The following MTCL1 variants were observed in gnomAD, a reference collection of about 807,000 sequenced individuals.
MTCL1 encodes the protein microtubule cross-linking factor 1.
A neutral mutation model predicts 141.4 loss-of-function variants in MTCL1; 79 were observed. The observed-to-expected ratio is 0.56, with a 90% confidence interval of 0.47 to 0.67. The LOEUF (loss-of-function observed/expected upper bound fraction) is 0.67, where lower values mean the gene tolerates loss of function less well. MTCL1 is among the 30% of genes least tolerant of loss of function. The pLI, the probability that MTCL1 is intolerant of heterozygous loss-of-function variation, is 0.00. For missense variants in MTCL1, 2,177 were observed against 2,113.9 expected (o/e 1.03, Z -0.59); for synonymous variants, 914 against 875.8 (o/e 1.04, Z -0.77).
At chr18:8,743,342 T>C (rs558297) in intron 4 of MTCL1, among the ~76,000 whole-genome samples, 39,912 of 152,214 alleles carry the variant, frequency 0.26, 5,552 homozygotes, top group East Asian at 0.44. Flanking sequence ...ACTTGCATGA[T>C]TCTGTCTTTC....
chr18:8,729,654 T>G (rs1420196777), intron 4 of MTCL1, among the ~76,000 whole-genome samples: 1 of 142,992 alleles, frequency 7.0e-6, no homozygotes, highest in African/African-American at 2.7e-5. Context: ...TCCTCTCACT[T>G]TGGCTTCCCA....
At chr18:8,794,257 G>C (rs899398785) in intron 8 of MTCL1, among the ~76,000 whole-genome samples, 1 of 152,214 alleles carries the variant, frequency 6.6e-6, no homozygotes, top group South Asian at 2.1e-4. Context: ...TGGCCCACGT[G>C]TTTCTAGTAT....
rs1363128781 is a variant in MTCL1 at position 8,789,524 on chromosome 18, C to T, written c.1887+3433C>T. 1.2e-5 allele frequency: 12 copies of T among 985,222 alleles called. 1 individual carries two copies. The South Asian group carries it at 1.4e-4, about 12-fold the overall frequency. 61.0% of individuals were successfully genotyped at this position (985,222 alleles called of 1,614,324 possible). A position where few individuals can be genotyped will look rare whatever the true frequency, so the allele number is the denominator to read the frequency against. Reference sequence around the variant, plus strand: ...TTTCTCTGGAGGTAGGGAAGTTAGCCTTTGTCAATCAGTGTGGGATGCAGC... The same window carrying T: ...TTTCTCTGGAGGTAGGGAAGTTAGCTTTTGTCAATCAGTGTGGGATGCAGC... On this transcript the variant is annotated intron_variant, in intron 7 of 16. Transcript: ENST00000359865.
chr18:8,815,698 T>G (rs1598785052), intron 12 of MTCL1, among the ~76,000 whole-genome samples: 2 of 151,206 alleles, frequency 1.3e-5, no homozygotes, highest in East Asian at 3.9e-4. Flanking sequence ...CAGCCTCATT[T>G]TGAGACTATA....
chr18:8,767,152 T>G (rs1456301631), intron 4 of MTCL1, among the ~76,000 whole-genome samples: 2 of 152,200 alleles, frequency 1.3e-5, no homozygotes, highest in African/African-American at 4.8e-5. Context: ...GAGCAGAAAG[T>G]TACCCCCTCC....
intron 4 of MTCL1, among the ~76,000 whole-genome samples, chr18:8,757,233 G>C (rs1184334044): frequency 6.6e-6 from 1 of 152,172 alleles, no homozygotes; most frequent in Non-Finnish European, 1.5e-5. Flanking sequence ...CAGGAGTCTA[G>C]AACTTCACAG....
intron 15 of MTCL1, among the ~76,000 whole-genome samples, chr18:8,827,809 G>A (rs371113311): frequency 6.6e-6 from 1 of 152,182 alleles, no homozygotes; most frequent in African/African-American, 2.4e-5. Context: ...AGTGAATCCT[G>A]CAAGCAAAAA....
Position 8,828,915 on chromosome 18 carries a change from C to G in MTCL1, c.4730C>G (p.Thr1577Ser). Reference sequence around the variant, plus strand: ...TCTGTCTGTTCTGTCCAGAACCAAACTGTCTTGCTAACTGCCCCCTGGGGA... The same window carrying G: ...TCTGTCTGTTCTGTCCAGAACCAAAGTGTCTTGCTAACTGCCCCCTGGGGA... Residue 1577 changes from threonine (T) to serine (S), a missense_variant, in exon 16 of 17, where the codon ACT (threonine) becomes AGT (serine). Physicochemically the swap from Thr to Ser is moderately conservative, Grantham distance 58 (BLOSUM62 1). Transcript: ENST00000359865. The surrounding 1 kb of genome is among the most constrained non-coding windows in gnomAD (Gnocchi z 5.2). 6.2e-7 allele frequency: 1 copy of G among 1,614,220 alleles called. No homozygotes were observed. The highest frequency in any genetic ancestry group is 8.5e-7 in the Non-Finnish European group (1 of 1,180,018).
chr18:8,784,521 G>T, exon 6 of MTCL1: 1 of 1,602,562 alleles, frequency 6.2e-7, no homozygotes, highest in Non-Finnish European at 8.5e-7. Context: ...ACGGTGGAGC[G>T]CCTCATCACG....
At chr18:8,794,032 G>A (rs1320457498) in intron 8 of MTCL1, among the ~76,000 whole-genome samples, 1 of 152,226 alleles carries the variant, frequency 6.6e-6, no homozygotes, top group African/African-American at 2.4e-5. Flanking sequence ...CGAATGCCAA[G>A]ATGTAAATAC....
At position 8,723,421 on chromosome 18, in the gene MTCL1, T is replaced by C. The variant is rs180894318; in HGVS notation, c.357+2925T>C. 2.2e-3 allele frequency among the ~76,000 whole-genome samples: 335 copies of C among 152,346 alleles called. 4 individuals carry two copies. Among genetic ancestry groups the C allele is most frequent in the African/African-American group, 7.6e-3 (318 of 41,582 alleles). Reference sequence around the variant, plus strand: ...TTGTTCACCTCTGGAGTTTTGTAAATGGATGTGTGACCTCCTGAAAAAGGC... The same window carrying C: ...TTGTTCACCTCTGGAGTTTTGTAAACGGATGTGTGACCTCCTGAAAAAGGC... On this transcript the variant is annotated intron_variant, in intron 4 of 16. Transcript: ENST00000359865.
intron 7 of MTCL1, 158 bp downstream of exon 6, chr18:8,786,249 G>A: frequency 1.2e-6 from 1 of 863,204 alleles, no homozygotes; most frequent in South Asian, 1.4e-5. Context: ...CCATTTTGTG[G>A]CACTGGGACA....
intron 4 of MTCL1, among the ~76,000 whole-genome samples, chr18:8,770,290 G>A (rs181710164): frequency 3.9e-4 from 60 of 152,330 alleles, no homozygotes; most frequent in African/African-American, 1.4e-3. Flanking sequence ...ACTCTTGACA[G>A]GATTGAATTA....
intron 11 of MTCL1, among the ~76,000 whole-genome samples, chr18:8,808,005 C>CAAAAA (rs530719223): frequency 8.7e-6 from 1 of 114,590 alleles, no homozygotes; most frequent in Admixed American, 8.7e-5. Context: ...CTTGATGTGT[C>CAAAAA]AAAAAAAAAA....
chr18:8,762,334 C>T (rs753643453), intron 4 of MTCL1, among the ~76,000 whole-genome samples: 3 of 152,236 alleles, frequency 2.0e-5, no homozygotes, highest in Non-Finnish European at 2.9e-5. Context: ...TGTGAATGTG[C>T]ACAATACAGA....
rs1021551683 is a variant in MTCL1 at position 8,752,193 on chromosome 18, A to C, written c.358-25640A>C. ...GCATTGACTTGCTGAGTATGAGATA[A>C]AACTAAATATAATCCAGTGTTTTAA... On this transcript the variant is annotated intron_variant, in intron 4 of 16. Coordinates refer to ENST00000359865, the Ensembl canonical transcript of MTCL1. Among the ~76,000 whole-genome samples the C allele has an allele frequency of 7.2e-5, 11 of 152,336 alleles. 1 individual carries two copies. The highest frequency in any genetic ancestry group is 6.5e-4 in the Admixed American group (10 of 15,306).
At chr18:8,750,209 C>A (rs2148949415) in intron 4 of MTCL1, among the ~76,000 whole-genome samples, 1 of 152,014 alleles carries the variant, frequency 6.6e-6, no homozygotes, top group African/African-American at 2.4e-5. Context: ...ACCACACTGG[C>A]TAATTTTTGT....
Position 8,784,070 on chromosome 18 carries a change from CT to C in MTCL1, c.959del (p.Leu320GlnfsTer19). The C allele has an allele frequency of 1.2e-6, 2 of 1,613,374 alleles. No homozygotes were observed. The highest frequency in any genetic ancestry group is 1.7e-6 in the Non-Finnish European group (2 of 1,179,958). On this transcript the variant is annotated frameshift_variant, in exon 6 of 17. Transcript: ENST00000359865. LOFTEE classifies it high-confidence loss of function. ...TGAGCCTCCCCGGGAGCCGGGCTGGCTAGGAGAGGGTGCAAGTCCTGGTGCC... is the reference window on the plus strand; with the variant it reads ...TGAGCCTCCCCGGGAGCCGGGCTGGCAGGAGAGGGTGCAAGTCCTGGTGCC...
At chr18:8,793,525 C>G (rs1282153549) in intron 8 of MTCL1, among the ~76,000 whole-genome samples, 2 of 152,238 alleles carry the variant, frequency 1.3e-5, no homozygotes, top group Non-Finnish European at 1.5e-5. Flanking sequence ...CTTCGGAAAA[C>G]TGCCGCAACT....
Sources: gnomAD v4.1 joint callset for allele counts (sites outside exome capture counted in the v4.1 genomes callset) on GRCh38, gnomAD v4.1.1 for gene constraint, Gnocchi (gnomAD v3.1) non-coding constraint, MANE v1.5 for transcripts, NCBI Gene and HGNC (gene_info 2026-07-23, HGNC 2026-07-21) for gene names.